LTBP1: variants seen among roughly 807,000 people sequenced by gnomAD.
LTBP1 encodes latent transforming growth factor beta binding protein 1.
A neutral mutation model predicts 207.6 loss-of-function variants in LTBP1; 129 were observed. The observed-to-expected ratio is 0.62, with a 90% confidence interval of 0.54 to 0.72. The LOEUF is 0.72. LTBP1 is among the 30% of genes least tolerant of loss of function. The probability of loss-of-function intolerance (pLI) is 0.00; values close to 1 mark genes in which losing one functional copy is unlikely to be tolerated. For missense variants in LTBP1, 2,281 were observed against 2,217.2 expected, an observed-to-expected ratio of 1.03 and a Z score of -0.58; for synonymous variants, 963 against 833.7, an observed-to-expected ratio of 1.16 and a Z score of -2.67.
chr2:33,152,284 T>A (rs1440995094), intron 5 of LTBP1, among the ~76,000 whole-genome samples: 1 of 152,058 alleles, frequency 6.6e-6, no homozygotes, highest in Non-Finnish European at 1.5e-5. Context: ...TCTCAAAAGA[T>A]GATATACAGA....
At chr2:33,021,426 A>G (rs547435640) in intron 3 of LTBP1, among the ~76,000 whole-genome samples, 7 of 152,308 alleles carry the variant, frequency 4.6e-5, no homozygotes, top group Admixed American at 2.0e-4. Context: ...ATTTTACCAT[A>G]AGTACAACCC....
At chr2:33,254,874 T>TG (rs2092802626) in intron 11 of LTBP1, among the ~76,000 whole-genome samples, 1 of 123,524 alleles carries the variant, frequency 8.1e-6, no homozygotes, top group South Asian at 2.8e-4. Flanking sequence ...TTTTTTTTTT[T>TG]TTTTTTTTTG....
At chr2:33,078,862 C>CTTTTTTTTTTTTTTTTTTTTTTTTTT (rs34843933) in intron 3 of LTBP1, among the ~76,000 whole-genome samples, 5 of 106,888 alleles carry the variant, frequency 4.7e-5, no homozygotes, top group Non-Finnish European at 5.4e-5. Flanking sequence ...CTTTTCTTTT[C>CTTTTTTTTTTTTTTTTTTTTTTTTTT]TTTTTTTTTT....
At chr2:33,319,925 C>T (rs185757709) in intron 24 of LTBP1, among the ~76,000 whole-genome samples, 14 of 152,304 alleles carry the variant, frequency 9.2e-5, no homozygotes, top group African/African-American at 3.1e-4. Flanking sequence ...AGAAAGCATC[C>T]TCATTCATTC....
intron 3 of LTBP1, among the ~76,000 whole-genome samples, chr2:33,058,149 T>C (rs2077097966): frequency 6.6e-6 from 1 of 152,360 alleles, no homozygotes; most frequent in South Asian, 2.1e-4. Flanking sequence ...AAGCATTTCA[T>C]GGTCTTTCTA....
intron 18 of LTBP1, among the ~76,000 whole-genome samples, chr2:33,277,667 T>G (rs1267754448): frequency 6.6e-6 from 1 of 151,756 alleles, no homozygotes; most frequent in Non-Finnish European, 1.5e-5. Context: ...GGGGAGTGCT[T>G]TAAAAAAATG....
chr2:33,323,160 G>A lies in LTBP1; in HGVS notation c.3730+7891G>A, dbSNP rs535471359. Among the ~76,000 whole-genome samples the A allele has an allele frequency of 3.6e-4, 55 of 152,166 alleles. 1 individual carries two copies. Among genetic ancestry groups the A allele is most frequent in the South Asian group, 8.3e-4 (4 of 4,824 alleles). On this transcript the variant is annotated intron_variant, in intron 24 of 33. Coordinates refer to ENST00000404816, the MANE Select transcript of LTBP1 (RefSeq NM_206943.4). ...AGCCTGCTTCTAGCACATTCTAAAC[G>A]TGCTCAGAACACTTACACTAGCCTA...
At chr2:33,297,765 A>T (rs185209550) in intron 20 of LTBP1, among the ~76,000 whole-genome samples, 85 of 152,294 alleles carry the variant, frequency 5.6e-4, no homozygotes, top group African/African-American at 2.0e-3. Flanking sequence ...AAAACAAAAA[A>T]CTAAACACTA....
At chr2:33,004,786 AATAT>A (rs34777461) in intron 2 of LTBP1, among the ~76,000 whole-genome samples, 14,046 of 101,036 alleles carry the variant, frequency 0.14, 1,136 homozygotes, top group Non-Finnish European at 0.17. Flanking sequence ...AAAAAAAAGG[AATAT>A]ATATATATAT....
chr2:33,208,096 C>G (rs1226427105), intron 7 of LTBP1, among the ~76,000 whole-genome samples: 3 of 152,216 alleles, frequency 2.0e-5, no homozygotes, highest in African/African-American at 7.2e-5. Context: ...CATTCCTCAT[C>G]CAGATTCATA....
Position 33,342,866 on chromosome 2 carries a change from T to C in LTBP1, c.3759T>C (p.Val1253=). Residue 1253 remains valine, a synonymous_variant, in exon 25 of 34, where the codon GTT becomes GTC. Transcript: ENST00000404816. ...TTGATGAATGTGTAAACAACACTGTTTGTGACAGTCACGGGTTTTGTGACA... is the reference window on the plus strand; with the variant it reads ...TTGATGAATGTGTAAACAACACTGTCTGTGACAGTCACGGGTTTTGTGACA... The part of the protein sequence containing the change: ...EDIDECVNNT[V]CDSHGFCDNT... 2 of 1,614,146 alleles carry C rather than the reference T, an allele frequency of 1.2e-6. No homozygotes were observed. The highest frequency in any genetic ancestry group is 2.2e-5 in the East Asian group (1 of 44,878).
chr2:33,198,258 A>G (rs1056953727), intron 7 of LTBP1, among the ~76,000 whole-genome samples: 5 of 152,064 alleles, frequency 3.3e-5, no homozygotes, highest in African/African-American at 1.2e-4. Flanking sequence ...CCACTTGATC[A>G]TGGTGGATAA....
At chr2:33,136,296 G>A (rs886169004) in intron 5 of LTBP1, among the ~76,000 whole-genome samples, 1 of 152,180 alleles carries the variant, frequency 6.6e-6, no homozygotes, top group East Asian at 1.9e-4. Context: ...GTGAACTGAT[G>A]ATCAGGAAAC....
intron 2 of LTBP1, among the ~76,000 whole-genome samples, chr2:33,018,439 G>A (rs1456431745): frequency 6.6e-6 from 1 of 152,112 alleles, no homozygotes; most frequent in Non-Finnish European, 1.5e-5. Context: ...GTTTCTAATT[G>A]AAAGCATGAT....
At position 33,256,741 on chromosome 2, in the gene LTBP1, TATATATATATATATATATATA is replaced by T. The variant is rs1365542417; in HGVS notation, c.2168-542_2168-522del. Among the ~76,000 whole-genome samples, 26 of 37,386 alleles carry T rather than the reference TATATATATATATATATATATA, an allele frequency of 7.0e-4. 1 individual carries two copies. The highest frequency in any genetic ancestry group is 2.1e-3 in the African/African-American group (24 of 11,570). The allele number at this position is 37,386 out of a possible 152,430, so 24.5% of individuals were successfully genotyped here. A position where few individuals can be genotyped will look rare whatever the true frequency, so the allele number is the denominator to read the frequency against. ...AGGGCTAACTATATATATATATATA[TATATATATATATATATATATA>T]TATATATATATATATAGTTACCCTC... On this transcript the variant is annotated intron_variant, in intron 11 of 33. Transcript: ENST00000404816.
intron 8 of LTBP1, among the ~76,000 whole-genome samples, chr2:33,219,344 G>C (rs1338629607): frequency 5.3e-5 from 8 of 152,156 alleles, no homozygotes; most frequent in Non-Finnish European, 1.2e-4. Flanking sequence ...ATCGTCACTG[G>C]AAGATCCATT....
chr2:33,292,195 T>C (rs1382228695), intron 19 of LTBP1, among the ~76,000 whole-genome samples: 1 of 152,226 alleles, frequency 6.6e-6, no homozygotes, highest in Non-Finnish European at 1.5e-5. Context: ...AAAATAGTAA[T>C]ATGTAGTAGG....
In LTBP1 at chr2:32,993,000, G is replaced by A. The variant is rs371192183; in HGVS notation, c.566-27909G>A. Among the ~76,000 whole-genome samples, 7 of 152,214 alleles carry A rather than the reference G, an allele frequency of 4.6e-5. No homozygotes were observed. The South Asian group carries it at 1.0e-3, about 23-fold the overall frequency. On this transcript the variant is annotated intron_variant, in intron 2 of 33. Transcript: ENST00000404816. ...CCCCAAGTTTTTGTTGGGGAAGGAG[G>A]GTTAGGCAAGAATGGTGAGTTTGGT...
intron 23 of LTBP1, among the ~76,000 whole-genome samples, chr2:33,313,459 A>G (rs117199053): frequency 0.014 from 2,180 of 152,148 alleles, 22 homozygotes; most frequent in East Asian, 0.025. Context: ...CCACTGGGTC[A>G]GTGGCTAAGC....
Sources: gnomAD v4.1 joint callset for allele counts (sites outside exome capture counted in the v4.1 genomes callset) on GRCh38, gnomAD v4.1.1 for gene constraint, MANE v1.5 for transcripts, NCBI Gene and HGNC (gene_info 2026-07-23, HGNC 2026-07-21) for gene names.